CSMD3: variants seen among roughly 807,000 people sequenced by gnomAD.
CSMD3 encodes the protein CUB and Sushi multiple domains 3.
A neutral mutation model predicts 435.2 loss-of-function variants in CSMD3; 177 were observed. The ratio of observed to expected loss-of-function variants is 0.41; its 90% CI spans 0.36 to 0.46. CSMD3 has a LOEUF of 0.46. Among genes scored for constraint, CSMD3 ranks in the 20% least tolerant of loss-of-function variants. The pLI is 0.34. For missense variants in CSMD3, 4,265 were observed against 4,504.6 expected (o/e 0.95, Z 1.52); for synonymous variants, 1,656 against 1,520.5 (o/e 1.09, Z -2.07).
chr8:113,262,752 C>T (rs932391172), intron 3 of CSMD3, among the ~76,000 whole-genome samples: 2 of 151,908 alleles, frequency 1.3e-5, no homozygotes, highest in African/African-American at 4.8e-5. Context: ...ATCAATAATA[C>T]AATTGCAAGA....
intron 1 of CSMD3, among the ~76,000 whole-genome samples, chr8:113,317,710 T>A (rs2093920464): frequency 6.6e-6 from 1 of 152,138 alleles, no homozygotes; most frequent in South Asian, 2.1e-4. Context: ...CCCTCATTCA[T>A]TTATGCTTCA....
intron 1 of CSMD3, among the ~76,000 whole-genome samples, chr8:113,334,994 G>A (rs989825080): frequency 2.0e-5 from 3 of 151,980 alleles, no homozygotes; most frequent in African/African-American, 7.3e-5. Flanking sequence ...TTGGAGGTGG[G>A]GCCTGATGGG....
chr8:112,295,962 T>A lies in CSMD3; in HGVS notation c.8485A>T (p.Ile2829Phe), dbSNP rs2130716059. ...IPELIVNGQV[I>F]GENYGYRDTV... ...TCTCTATATCCATAATTTTCTCCAA[T>A]GACTTGACCATTCACAATCAGTTCT... is the stretch of plus-strand genomic sequence containing the variant. The change falls in exon 54 of 71, where the codon ATT becomes TTT. Residue 2829 changes from isoleucine to phenylalanine, a missense_variant. By Grantham distance (21) the Ile-to-Phe change is conservative. Transcript: ENST00000297405. The A allele has an allele frequency of 6.2e-7, 1 of 1,613,712 alleles. No individual in the cohort carries two copies.
intron 4 of CSMD3, among the ~76,000 whole-genome samples, chr8:113,106,598 A>G (rs1430971445): frequency 1.3e-5 from 2 of 152,356 alleles, no homozygotes; most frequent in East Asian, 1.9e-4. Context: ...AAAATATAAA[A>G]TCCATAGTTA....
In CSMD3 at chr8:112,883,256, C is replaced by A. The variant is rs957278553; in HGVS notation, c.1634-23990G>T. ...TATTGACAAATGATTTAAAATATAT[C>A]AACCTATAATAGCCAAATAAATATG... On this transcript the variant is annotated intron_variant, in intron 10 of 70. Transcript: ENST00000297405. 3.9e-4 allele frequency among the ~76,000 whole-genome samples: 59 copies of A among 151,914 alleles called. 1 individual carries two copies.
chr8:113,239,177 G>C (rs1162321111), intron 3 of CSMD3, among the ~76,000 whole-genome samples: 1 of 152,038 alleles, frequency 6.6e-6, no homozygotes, highest in African/African-American at 2.4e-5. Context: ...CAGCTCTCAT[G>C]GTTATCAGGA....
chr8:113,059,955 G>A (rs973134515), intron 5 of CSMD3, among the ~76,000 whole-genome samples: 1 of 151,660 alleles, frequency 6.6e-6, no homozygotes, highest in East Asian at 2.0e-4. Context: ...CTAGCAGTAG[G>A]ACTGAAGACT....
intron 3 of CSMD3, among the ~76,000 whole-genome samples, chr8:113,182,823 A>G (rs1466936103): frequency 6.6e-6 from 1 of 152,100 alleles, no homozygotes; most frequent in Non-Finnish European, 1.5e-5. Flanking sequence ...GGAAAGAAAC[A>G]ACAACAGCAA....
rs563853981 is a variant in CSMD3 at position 112,438,007 on chromosome 8, T to C, written c.5396-28975A>G. Among the ~76,000 whole-genome samples, 6 of 152,222 alleles carry C rather than the reference T, an allele frequency of 3.9e-5. No homozygotes were observed. The South Asian group carries it at 1.2e-3, about 32-fold the overall frequency. Reference sequence around the variant, plus strand: ...CTCATCTACCCCACATTATTAACCCTCGAAGGGCAGAAACATGAACTTCCC... The same window carrying C: ...CTCATCTACCCCACATTATTAACCCCCGAAGGGCAGAAACATGAACTTCCC... On this transcript the variant is annotated intron_variant, in intron 32 of 70. Coordinates refer to ENST00000297405, the MANE Select transcript of CSMD3 (RefSeq NM_198123.2).
At chr8:113,338,656 T>C (rs1241262554) in intron 1 of CSMD3, among the ~76,000 whole-genome samples, 6 of 152,014 alleles carry the variant, frequency 3.9e-5, no homozygotes, top group Non-Finnish European at 7.4e-5. Flanking sequence ...TCCATTCATA[T>C]GAAATGTCCA....
chr8:112,303,251 T>A (rs1208405033), intron 52 of CSMD3, among the ~76,000 whole-genome samples: 1 of 152,124 alleles, frequency 6.6e-6, no homozygotes, highest in Non-Finnish European at 1.5e-5. Context: ...CTTGGAGGAC[T>A]AGTACAAAAA....
intron 27 of CSMD3, among the ~76,000 whole-genome samples, chr8:112,534,947 A>G (rs1327350517): frequency 2.6e-5 from 4 of 152,232 alleles, no homozygotes; most frequent in Non-Finnish European, 5.9e-5. Context: ...TTATCTCAAT[A>G]GATGCAGAAA....
Position 112,224,746 on chromosome 8 carries a change from T to C in CSMD3, c.*25A>G. 4 of 1,613,638 alleles carry C rather than the reference T, an allele frequency of 2.5e-6. No individual in the cohort carries two copies. The highest frequency in any genetic ancestry group is 3.4e-6 in the Non-Finnish European group (4 of 1,179,518). ...TGTTTTGTGTGTCGATTTCCAAGCT[T>C]CTGAAGAAGGCAAAGGTTGCCTCGT... On this transcript the variant is annotated 3_prime_UTR_variant, in exon 71 of 71. Coordinates refer to ENST00000297405, the MANE Select transcript of CSMD3 (RefSeq NM_198123.2).
At position 113,217,559 on chromosome 8, in the gene CSMD3, AT is replaced by A. The variant is rs1157565072; in HGVS notation, c.515-43644del. Among the ~76,000 whole-genome samples the A allele has an allele frequency of 2.6e-5, 4 of 151,788 alleles. No individual in the cohort carries two copies. In the East Asian group the frequency reaches 7.7e-4, roughly 29 times the overall value. Reference sequence around the variant, plus strand: ...AGAAATCTTAGAATTAAAATTAACTATCTGAAATGAATAATTTATTAAGAGA... The same window carrying A: ...AGAAATCTTAGAATTAAAATTAACTACTGAAATGAATAATTTATTAAGAGA... On this transcript the variant is annotated intron_variant, in intron 3 of 70. Transcript: ENST00000297405.
At chr8:113,275,099 T>C (rs1034420581) in intron 3 of CSMD3, among the ~76,000 whole-genome samples, 1 of 152,138 alleles carries the variant, frequency 6.6e-6, no homozygotes, top group African/African-American at 2.4e-5. Flanking sequence ...ATCAATATTG[T>C]AATTCATATG....
At chr8:112,570,942 C>A (rs1035408718) in intron 24 of CSMD3, among the ~76,000 whole-genome samples, 2 of 152,152 alleles carry the variant, frequency 1.3e-5, no homozygotes, top group African/African-American at 4.8e-5. Context: ...TCTCTTCCCA[C>A]TTCTGTAGTT....
intron 45 of CSMD3, among the ~76,000 whole-genome samples, chr8:112,331,545 G>A (rs763459533): frequency 1.6e-5 from 2 of 126,176 alleles, no homozygotes; most frequent in Non-Finnish European, 3.2e-5. Flanking sequence ...AGGAAGTTAG[G>A]TTAGAGAAAA....
chr8:113,136,547 A>T (rs1462944813), intron 4 of CSMD3, among the ~76,000 whole-genome samples: 1 of 151,732 alleles, frequency 6.6e-6, no homozygotes, highest in Non-Finnish European at 1.5e-5. Context: ...ACTAAGTAGG[A>T]TGAAAACAAA....
intron 12 of CSMD3, among the ~76,000 whole-genome samples, chr8:112,817,652 C>T (rs1243201636): frequency 6.6e-6 from 1 of 151,352 alleles, no homozygotes; most frequent in Non-Finnish European, 1.5e-5. Context: ...TGAAAATGAA[C>T]ACAGAGATAC....
Sources: allele counts gnomAD v4.1 joint callset (sites outside exome capture counted in the v4.1 genomes callset), GRCh38; gene constraint gnomAD v4.1.1; transcripts MANE v1.5; gene names NCBI Gene and HGNC (gene_info 2026-07-23, HGNC 2026-07-21).